GRIP1: variants seen among roughly 807,000 people sequenced by gnomAD.
The protein encoded by GRIP1 is glutamate receptor interacting protein 1, also known as glutamate receptor-interacting protein 1.
Under a neutral mutation model 129.9 loss-of-function variants are expected in GRIP1, and 45 were observed. That is an observed-to-expected ratio of 0.35 (90% CI 0.27 to 0.44). GRIP1 has a LOEUF of 0.44. GRIP1 is among the 20% of genes least tolerant of loss of function. GRIP1 has a pLI of 1.00. For synonymous variants in GRIP1, 530 were observed against 520.8 expected (o/e 1.02, Z -0.24); for missense variants, 1,196 against 1,396.8 (o/e 0.86, Z 2.29).
rs1239863860 is a variant in GRIP1 at position 66,539,060 on chromosome 12, G to C, written c.418+18C>G. ...TTGGAATGTATCCCCTATGGATAAGGGGGGCTACTGTACTTACAGACCGGT... is the reference window on the plus strand; with the variant it reads ...TTGGAATGTATCCCCTATGGATAAGCGGGGCTACTGTACTTACAGACCGGT... On this transcript the variant is annotated intron_variant, in intron 4 of 24. Coordinates refer to ENST00000359742, the MANE Select transcript of GRIP1 (RefSeq NM_001366722.1). The C allele has an allele frequency of 6.2e-7, 1 of 1,609,468 alleles. No individual in the cohort carries two copies. The highest frequency in any genetic ancestry group is 1.3e-5 in the African/African-American group (1 of 74,792).
At chr12:66,638,991 G>A (rs2031675146) in intron 1 of GRIP1, among the ~76,000 whole-genome samples, 2 of 152,166 alleles carry the variant, frequency 1.3e-5, no homozygotes, top group African/African-American at 4.8e-5. Context: ...ACAATATAAT[G>A]TATTAGGTTG....
chr12:67,053,548 T>C (rs750711111), intron 1 of GRIP1, among the ~76,000 whole-genome samples: 9 of 152,156 alleles, frequency 5.9e-5, no homozygotes, highest in Non-Finnish European at 1.3e-4. Flanking sequence ...AAACATCATG[T>C]GTATCCTTGG....
chr12:66,655,170 G>A (rs1040932401), intron 1 of GRIP1, among the ~76,000 whole-genome samples: 2 of 152,132 alleles, frequency 1.3e-5, no homozygotes, highest in Non-Finnish European at 2.9e-5. Context: ...TCCCCCAAGA[G>A]GCAACCACTA....
At position 66,698,938 on chromosome 12, in the gene GRIP1, G is replaced by A. The variant is rs770239913; in HGVS notation, c.-419-68602C>T. ...AAACAGCAGCCTCTACCCTTGCAGC[G>A]TTGTTGGGAGGCTTAAGTGAAGTTC... On this transcript the variant is annotated intron_variant, in intron 1 of 4. Coordinates refer to the GRIP1 transcript ENST00000538373. Among the ~76,000 whole-genome samples, 133 of 152,260 alleles carry A rather than the reference G, an allele frequency of 8.7e-4. 1 individual carries two copies. The highest frequency in any genetic ancestry group is 3.4e-3 in the Middle Eastern group (1 of 294).
At chr12:66,566,632 C>T (rs1047623955) in intron 2 of GRIP1, among the ~76,000 whole-genome samples, 1 of 152,100 alleles carries the variant, frequency 6.6e-6, no homozygotes, top group South Asian at 2.1e-4. Context: ...ATGATGCTGG[C>T]CTCATAAAAT....
chr12:66,568,067 TA>T, intron 2 of GRIP1: 3 of 247,894 alleles, frequency 1.2e-5, no homozygotes, highest in Admixed American at 4.3e-5. Context: ...ACACTCAGCA[TA>T]AAAGGCTAAA....
chr12:66,658,256 G>C (rs1246124835), intron 1 of GRIP1, among the ~76,000 whole-genome samples: 1 of 152,178 alleles, frequency 6.6e-6, no homozygotes, highest in Non-Finnish European at 1.5e-5. Flanking sequence ...AAATTACTTT[G>C]AGAACTTAAT....
At chr12:67,064,609 T>C (rs1447675317) in intron 1 of GRIP1, among the ~76,000 whole-genome samples, 1 of 152,210 alleles carries the variant, frequency 6.6e-6, no homozygotes. Flanking sequence ...TGGGAAAAAG[T>C]CAAATTCCAC....
Position 66,523,563 on chromosome 12 carries a change from C to T in GRIP1, c.503-5587G>A, listed in dbSNP as rs541158609. Reference sequence around the variant, plus strand: ...ATGGAAAGGAACAACTGGTACCAGCCGCTGCAAAAACATGCCAAAATGTAA... The same window carrying T: ...ATGGAAAGGAACAACTGGTACCAGCTGCTGCAAAAACATGCCAAAATGTAA... On this transcript the variant is annotated intron_variant, in intron 5 of 24. Transcript: ENST00000359742. 2.3e-3 allele frequency among the ~76,000 whole-genome samples: 356 copies of T among 151,776 alleles called. 3 individuals are homozygous for T. Among genetic ancestry groups the T allele is most frequent in the East Asian group, 9.1e-3 (47 of 5,164 alleles).
intron 7 of GRIP1, among the ~76,000 whole-genome samples, chr12:66,483,156 C>G (rs2059853707): frequency 6.6e-6 from 1 of 152,180 alleles, no homozygotes; most frequent in Admixed American, 6.5e-5. Context: ...TCAACTTTGC[C>G]TGCCTTACAT....
intron 1 of GRIP1, among the ~76,000 whole-genome samples, chr12:66,778,611 G>A (rs551604185): frequency 1.3e-3 from 192 of 152,260 alleles, no homozygotes; most frequent in Middle Eastern, 6.8e-3. Context: ...TGTGTAGCCC[G>A]TGTTACCTAT....
chr12:66,678,688 C>T (rs544110076), intron 1 of GRIP1, among the ~76,000 whole-genome samples, 162 bp downstream of exon 1: 1 of 152,038 alleles, frequency 6.6e-6, no homozygotes, highest in South Asian at 2.1e-4. Flanking sequence ...AAAGCAAAGC[C>T]GAGTCTACCT....
At chr12:66,374,205 T>C (rs2055673557) in intron 22 of GRIP1, among the ~76,000 whole-genome samples, 1 of 152,190 alleles carries the variant, frequency 6.6e-6, no homozygotes, top group Non-Finnish European at 1.5e-5. Flanking sequence ...TTTATTTTTT[T>C]TGAAATGGAG....
chr12:66,532,118 G>A (rs1037021833), intron 4 of GRIP1, among the ~76,000 whole-genome samples: 3 of 152,118 alleles, frequency 2.0e-5, no homozygotes. Flanking sequence ...GATTATCTAC[G>A]CTATTGTTCT....
Position 66,585,905 on chromosome 12 carries a change from TG to T in GRIP1, c.136+10941del, listed in dbSNP as rs2063613578. 2.6e-5 allele frequency among the ~76,000 whole-genome samples: 4 copies of T among 152,324 alleles called. No homozygotes were observed. In the South Asian group the frequency reaches 8.3e-4, roughly 32 times the overall value. ...TTTTGGCTGCATAAATGTCTTCTTT[TG>T]AGAAGTGTCTGACCCCTGCCTCTTC... On this transcript the variant is annotated intron_variant, in intron 2 of 24. Transcript: ENST00000359742.
chr12:66,385,279 C>T lies in GRIP1; in HGVS notation c.2465-5843G>A, dbSNP rs141005871. On this transcript the variant is annotated intron_variant, in intron 19 of 24. Coordinates refer to ENST00000359742, the MANE Select transcript of GRIP1 (RefSeq NM_001366722.1). ...GGCAGGGCACGGTAGCTCATGCCTG[C>T]AATCCCAGCACTTTGGGAGGCTGAG... 9.8e-3 allele frequency among the ~76,000 whole-genome samples: 1,494 copies of T among 152,252 alleles called. 15 individuals carry two copies. Among genetic ancestry groups the T allele is most frequent in the African/African-American group, 0.033 (1,359 of 41,558 alleles).
chr12:66,451,092 G>A (rs2058781157), intron 11 of GRIP1, among the ~76,000 whole-genome samples: 1 of 152,104 alleles, frequency 6.6e-6, no homozygotes. Flanking sequence ...CATCCTAACT[G>A]GTGTATGCCG....
chr12:66,716,956 C>T (rs1592771634), intron 1 of GRIP1, among the ~76,000 whole-genome samples: 1 of 152,202 alleles, frequency 6.6e-6, no homozygotes, highest in East Asian at 1.9e-4. Flanking sequence ...TAACCAAACA[C>T]AGCCCAGGCA....
chr12:67,038,741 C>T (rs1263649270), intron 1 of GRIP1, among the ~76,000 whole-genome samples: 2 of 152,210 alleles, frequency 1.3e-5, no homozygotes, highest in East Asian at 1.9e-4. Flanking sequence ...CCCATTCCAT[C>T]TGAGCAAAGG....
Sources: gnomAD v4.1 joint callset for allele counts (sites outside exome capture counted in the v4.1 genomes callset) on GRCh38, gnomAD v4.1.1 for gene constraint, MANE v1.5 for transcripts, NCBI Gene and HGNC (gene_info 2026-07-23, HGNC 2026-07-21) for gene names.